The following RANBP2 variants were observed in gnomAD, a reference collection of about 807,000 sequenced individuals.
The protein encoded by RANBP2 is E3 SUMO-protein ligase RanBP2.
RANBP2 carries 57 observed loss-of-function variants against 303.6 expected under a neutral mutation model. The ratio of observed to expected loss-of-function variants is 0.19; its 90% confidence interval spans 0.15 to 0.23. The LOEUF is 0.23. Among genes scored for constraint, RANBP2 ranks in the 10% least tolerant of loss-of-function variants. The pLI is 1.00. For synonymous variants in RANBP2, 1,167 were observed against 1,301.5 expected, an observed-to-expected ratio of 0.90 and a Z score of 2.23; for missense variants, 3,138 against 3,780.8, an observed-to-expected ratio of 0.83 and a Z score of 4.46.
At chr2:109,059,262 TA>T in the RANBP2 span, among the ~76,000 whole-genome samples, 11 of 152,084 alleles carry the variant, frequency 7.2e-5, no homozygotes, top group African/African-American at 2.7e-4. Flanking sequence ...GTTATCCGCC[TA>T]AACTATCAGT....
the RANBP2 span, among the ~76,000 whole-genome samples, chr2:109,079,698 G>T: frequency 6.6e-6 from 1 of 152,194 alleles, no homozygotes; most frequent in Admixed American, 6.5e-5. Context: ...GCATGGTGGG[G>T]AGACAGCACA....
At chr2:109,628,080 C>T in the RANBP2 span, among the ~76,000 whole-genome samples, 1 of 152,184 alleles carries the variant, frequency 6.6e-6, no homozygotes, top group Admixed American at 6.5e-5. Flanking sequence ...GTGGTGGCTG[C>T]TCCTGTGGCC....
At chr2:109,043,403 C>T in the RANBP2 span, among the ~76,000 whole-genome samples, 16 of 151,870 alleles carry the variant, frequency 1.1e-4, no homozygotes, top group Admixed American at 7.2e-4. Flanking sequence ...AGTGCAGTGG[C>T]GCCATCTCAG....
chr2:109,307,435 T>TTTTA, the RANBP2 span, among the ~76,000 whole-genome samples: 1 of 150,354 alleles, frequency 6.7e-6, no homozygotes, highest in Non-Finnish European at 1.5e-5. Flanking sequence ...TTTTTTTTAT[T>TTTTA]ATTATACTTT....
the RANBP2 span, among the ~76,000 whole-genome samples, chr2:108,963,261 C>T: frequency 2.0e-5 from 3 of 152,126 alleles, no homozygotes; most frequent in Admixed American, 1.3e-4. Context: ...GCTACGTAAG[C>T]AAAAATGATC....
At chr2:109,667,115 G>T in the RANBP2 span, 1 of 1,091,478 alleles carries the variant, frequency 9.2e-7, no homozygotes, top group South Asian at 1.3e-5. Context: ...CCCAGTTTTT[G>T]TTTTATTTTA....
At chr2:109,302,613 C>T in the RANBP2 span, among the ~76,000 whole-genome samples, 4 of 152,186 alleles carry the variant, frequency 2.6e-5, no homozygotes, top group Non-Finnish European at 4.4e-5. Flanking sequence ...TTCACTGCTG[C>T]GTAGGGGATT....
At chr2:108,794,841 AGGAC>A in the RANBP2 span, 1 of 772,408 alleles carries the variant, frequency 1.3e-6, no homozygotes, top group Non-Finnish European at 2.0e-6. Context: ...TGTCAAGAGA[AGGAC>A]GGAAGGGGAC....
the RANBP2 span, chr2:109,449,517 G>A: frequency 1.2e-6 from 2 of 1,607,582 alleles, no homozygotes; most frequent in East Asian, 4.5e-5. Flanking sequence ...GACGAGCCCT[G>A]GGCTCGAGGC....
chr2:108,844,877 A>G, the RANBP2 span, among the ~76,000 whole-genome samples: 1 of 151,550 alleles, frequency 6.6e-6, no homozygotes, highest in African/African-American at 2.4e-5. Context: ...CCTCCTGAAT[A>G]GCTGAGATTA....
chr2:109,584,582 G>C, the RANBP2 span, among the ~76,000 whole-genome samples: 1 of 151,090 alleles, frequency 6.6e-6, no homozygotes, highest in Non-Finnish European at 1.5e-5. Flanking sequence ...AAATTTGATA[G>C]AGCATAGAAT....
At chr2:109,614,354 C>T in the RANBP2 span, 18 of 758,412 alleles carry the variant, frequency 2.4e-5, no homozygotes, top group Middle Eastern at 9.4e-4. Context: ...TGGCCGAGTC[C>T]TCTGGCCTCA....
chr2:109,423,850 A>C, the RANBP2 span, among the ~76,000 whole-genome samples: 2 of 152,012 alleles, frequency 1.3e-5, no homozygotes, highest in African/African-American at 2.4e-5. Context: ...CTTCATCCCC[A>C]CCCCTGCCGC....
chr2:109,368,495 A>G, the RANBP2 span, among the ~76,000 whole-genome samples: 3 of 152,140 alleles, frequency 2.0e-5, no homozygotes, highest in African/African-American at 7.2e-5. Flanking sequence ...TTGCTGGTAT[A>G]TGAGAAAGCC....
the RANBP2 span, among the ~76,000 whole-genome samples, chr2:108,957,656 C>T: frequency 1.3e-5 from 2 of 152,350 alleles, no homozygotes; most frequent in Non-Finnish European, 2.9e-5. Context: ...ATAATTGATG[C>T]GGCCTTACAA....
chr2:109,185,923 C>T, the RANBP2 span, among the ~76,000 whole-genome samples: 11 of 152,358 alleles, frequency 7.2e-5, no homozygotes, highest in East Asian at 3.9e-4. Flanking sequence ...GCTCCTGGGA[C>T]GGCTGGCCCT....
chr2:109,323,043 A>G, the RANBP2 span, among the ~76,000 whole-genome samples: 1 of 152,312 alleles, frequency 6.6e-6, no homozygotes, highest in South Asian at 2.1e-4. Context: ...GGTCTCGTTG[A>G]AATGTTTTAT....
At chr2:108,873,300 G>T in the RANBP2 span, 1 of 38,750 alleles carries the variant, frequency 2.6e-5, no homozygotes, top group African/African-American at 4.8e-5. Flanking sequence ...TTTTTCAAAT[G>T]ATGATATTTT....
At chr2:109,208,093 C>T in the RANBP2 span, among the ~76,000 whole-genome samples, 1 of 150,032 alleles carries the variant, frequency 6.7e-6, no homozygotes, top group Admixed American at 6.7e-5. Context: ...GGGCACAGTG[C>T]TGGGCCCTCA....
Sources: allele counts gnomAD v4.1 joint callset (sites outside exome capture counted in the v4.1 genomes callset), GRCh38; gene constraint gnomAD v4.1.1; transcripts MANE v1.5; gene names NCBI Gene and HGNC (gene_info 2026-07-23, HGNC 2026-07-21).